The following FAR2 variants were observed in gnomAD, a reference collection of about 807,000 sequenced individuals.
The protein encoded by FAR2 is fatty acyl-CoA reductase 2.
FAR2 carries 19 observed loss-of-function variants against 56.0 expected under a neutral mutation model. That is an observed-to-expected ratio of 0.34 (90% CI 0.24 to 0.50). FAR2 has a LOEUF of 0.50. Among genes scored for constraint, FAR2 ranks in the 20% least tolerant of loss-of-function variants. The pLI is 0.98. For missense variants in FAR2, 508 were observed against 642.2 expected, an observed-to-expected ratio of 0.79 and a Z score of 2.26; for synonymous variants, 219 against 218.8, an observed-to-expected ratio of 1.00 and a Z score of -0.01.
chr12:29,220,188 G>A (rs890762828), intron 1 of FAR2, among the ~76,000 whole-genome samples: 1 of 152,090 alleles, frequency 6.6e-6, no homozygotes, highest in Non-Finnish European at 1.5e-5. Context: ...TCAATTTTTC[G>A]TTAAGACCTC....
intron 1 of FAR2, among the ~76,000 whole-genome samples, chr12:29,219,947 CT>C (rs1445333750): frequency 6.6e-6 from 1 of 152,088 alleles, no homozygotes; most frequent in Admixed American, 6.5e-5. Context: ...TGGAGCCAAT[CT>C]TTTATTATTG....
chr12:29,239,529 TG>T (rs1453323341), intron 1 of FAR2, among the ~76,000 whole-genome samples: 1 of 151,606 alleles, frequency 6.6e-6, no homozygotes, highest in Non-Finnish European at 1.5e-5. Flanking sequence ...TTTTATCCCT[TG>T]GCTAAGAGGG....
chr12:29,171,804 CGCTGCCCTGTCT>C, intron 1 of FAR2: 1 of 152,168 alleles, frequency 6.6e-6, no homozygotes, highest in African/African-American at 2.4e-5. Flanking sequence ...TCTGCCCGGC[CGCTGCCCTGTCT>C]AGTAAGTGAA....
intron 1 of FAR2, among the ~76,000 whole-genome samples, chr12:29,152,432 A>T (rs1331883680): frequency 6.6e-6 from 1 of 151,820 alleles, no homozygotes; most frequent in East Asian, 1.9e-4. Context: ...CTGTCCCCAG[A>T]CTCCTCCCTT....
chr12:29,215,631 T>C (rs1198851258), intron 1 of FAR2, among the ~76,000 whole-genome samples: 1 of 152,232 alleles, frequency 6.6e-6, no homozygotes, highest in Non-Finnish European at 1.5e-5. Context: ...ATGTCTGTAA[T>C]AGCTTCATAT....
chr12:29,266,150 C>A lies in FAR2; in HGVS notation c.-38-4262C>A, dbSNP rs73061899. On this transcript the variant is annotated intron_variant, in intron 1 of 11. Coordinates refer to ENST00000536681, the MANE Select transcript of FAR2 (RefSeq NM_001271783.2). ...AAATGTAACATATCCAGCAATCCCA[C>A]AGCTAGGTATATACCCCGATGAAAG... 5.7e-3 allele frequency among the ~76,000 whole-genome samples: 864 copies of A among 152,232 alleles called. 9 individuals carry two copies. Among genetic ancestry groups the A allele is most frequent in the Middle Eastern group, 0.034 (10 of 294 alleles).
intron 4 of FAR2, among the ~76,000 whole-genome samples, chr12:29,302,883 G>A (rs1054008661): frequency 3.3e-5 from 5 of 152,102 alleles, no homozygotes; most frequent in African/African-American, 1.2e-4. Context: ...ACATCTCCAT[G>A]TTTTGGGAAA....
chr12:29,256,175 T>C (rs1024100777), intron 1 of FAR2, among the ~76,000 whole-genome samples: 3 of 151,836 alleles, frequency 2.0e-5, no homozygotes, highest in Non-Finnish European at 4.4e-5. Context: ...CCCGGCCTTA[T>C]TATATCTAAA....
intron 1 of FAR2, among the ~76,000 whole-genome samples, chr12:29,159,253 G>T (rs1565676664): frequency 6.6e-6 from 1 of 152,056 alleles, no homozygotes; most frequent in Non-Finnish European, 1.5e-5. Flanking sequence ...AGAGTAAGAT[G>T]GGAGGCCGGG....
At chr12:29,201,557 A>G (rs1947412359) in intron 1 of FAR2, among the ~76,000 whole-genome samples, 1 of 152,144 alleles carries the variant, frequency 6.6e-6, no homozygotes, top group Non-Finnish European at 1.5e-5. Flanking sequence ...CAAGTAATAG[A>G]CTCATCAAGG....
At chr12:29,162,361 G>A (rs753563129) in intron 1 of FAR2, among the ~76,000 whole-genome samples, 2 of 152,182 alleles carry the variant, frequency 1.3e-5, no homozygotes, top group Non-Finnish European at 2.9e-5. Flanking sequence ...CGGGCACACA[G>A]TAGCAGTCTG....
chr12:29,269,208 G>A (rs570979650), intron 1 of FAR2, among the ~76,000 whole-genome samples: 13 of 152,146 alleles, frequency 8.5e-5, no homozygotes, highest in African/African-American at 2.2e-4. Flanking sequence ...GTGCACCTTG[G>A]GGGGGCCGTT....
At chr12:29,218,291 G>A (rs916317585) in intron 1 of FAR2, among the ~76,000 whole-genome samples, 12 of 151,700 alleles carry the variant, frequency 7.9e-5, no homozygotes, top group African/African-American at 2.7e-4. Flanking sequence ...CCTGGGAGGT[G>A]GAGCTTGCAG....
At chr12:29,193,181 C>A (rs918830744) in intron 1 of FAR2, among the ~76,000 whole-genome samples, 45 of 152,226 alleles carry the variant, frequency 3.0e-4, no homozygotes, top group African/African-American at 1.1e-3. Context: ...GCACAGCCTC[C>A]CCATTATCAA....
At chr12:29,151,190 A>T (rs1949679081) in intron 1 of FAR2, among the ~76,000 whole-genome samples, 1 of 152,206 alleles carries the variant, frequency 6.6e-6, no homozygotes, top group Non-Finnish European at 1.5e-5. Flanking sequence ...AAACTTACTT[A>T]TTCACAAATA....
At chr12:29,316,785 A>G in intron 8 of FAR2, 56 bp from the exon 9 acceptor site, 1 of 1,557,840 alleles carries the variant, frequency 6.4e-7, no homozygotes, top group South Asian at 1.2e-5. Context: ...GCTTTCCACT[A>G]TGATGGACTT....
intron 1 of FAR2, among the ~76,000 whole-genome samples, chr12:29,186,743 A>T (rs569619374): frequency 6.7e-6 from 1 of 149,096 alleles, no homozygotes; most frequent in African/African-American, 2.5e-5. Flanking sequence ...TATACAGCTT[A>T]GTTCTTTATT....
At chr12:29,224,354 C>T (rs1238061006) in intron 1 of FAR2, among the ~76,000 whole-genome samples, 3 of 152,130 alleles carry the variant, frequency 2.0e-5, no homozygotes, top group South Asian at 2.1e-4. Flanking sequence ...TGGCATACCT[C>T]GTGCATATTT....
At chr12:29,304,374 C>T (rs773298004) in intron 4 of FAR2, among the ~76,000 whole-genome samples, 4 of 152,196 alleles carry the variant, frequency 2.6e-5, no homozygotes, top group South Asian at 2.1e-4. Context: ...AATCCCTGAT[C>T]TTCTGGACTC....
Sources: allele counts gnomAD v4.1 joint callset (sites outside exome capture counted in the v4.1 genomes callset), GRCh38; gene constraint gnomAD v4.1.1; transcripts MANE v1.5; gene names NCBI Gene and HGNC (gene_info 2026-07-23, HGNC 2026-07-21).